The following APPBP2 variants were observed in gnomAD, a reference collection of about 807,000 sequenced individuals.
APPBP2 encodes the protein amyloid beta precursor protein binding protein 2.
APPBP2 carries 15 observed loss-of-function variants against 76.0 expected under a neutral mutation model. That is an observed-to-expected ratio of 0.20 (90% CI 0.13 to 0.30). APPBP2 has a LOEUF of 0.30. Ranked by LOEUF, APPBP2 falls within the 10% of genes least tolerant of loss-of-function variation. APPBP2 has a pLI of 1.00. For synonymous variants in APPBP2, 222 were observed against 242.2 expected, an observed-to-expected ratio of 0.92 and a Z score of 0.77; for missense variants, 401 against 687.2, an observed-to-expected ratio of 0.58 and a Z score of 4.66.
chr17:60,447,590 C>T lies in APPBP2; in HGVS notation c.1749G>A (p.Pro583=), dbSNP rs749877039. 11 of 1,611,050 alleles carry T rather than the reference C, an allele frequency of 6.8e-6. No individual in the cohort carries two copies. Among genetic ancestry groups the T allele is most frequent in the East Asian group, 6.7e-5 (3 of 44,842 alleles). The part of the protein sequence containing the change: ...SFLISQNVEG[P]SC ...TAACTGAGGTCCTCCCTCAGCAGCT[C>T]GGTCCCTCGACATTCTGAGAAATCA... The change falls in exon 13 of 13, where the codon CCG becomes CCA. Residue 583 remains proline, a synonymous_variant. Coordinates refer to ENST00000083182, the MANE Select transcript of APPBP2 (RefSeq NM_006380.5).
chr17:60,488,029 CTGCAGAACAGCAAATAT>C (rs542064223), intron 3 of APPBP2, among the ~76,000 whole-genome samples: 67 of 152,384 alleles, frequency 4.4e-4, no homozygotes, highest in African/African-American at 1.4e-3. Context: ...CCAGCGAAAG[CTGCAGAACAGCAAATAT>C]TGCAGAACAG....
intron 1 of APPBP2, among the ~76,000 whole-genome samples, chr17:60,502,034 A>G (rs8081362): frequency 0.082 from 12,508 of 152,268 alleles, 1,700 homozygotes; most frequent in African/African-American, 0.28. Context: ...ACCTTCAGCA[A>G]GAAAGATTTG....
intron 1 of APPBP2, among the ~76,000 whole-genome samples, chr17:60,511,335 C>T (rs1382391247): frequency 6.6e-6 from 1 of 151,910 alleles, no homozygotes; most frequent in Middle Eastern, 3.2e-3. Context: ...GCCTGTAATC[C>T]CAGCACTCTG....
intron 4 of APPBP2, among the ~76,000 whole-genome samples, chr17:60,467,948 G>A (rs1961857352): frequency 6.6e-6 from 1 of 152,214 alleles, no homozygotes; most frequent in Admixed American, 6.5e-5. Context: ...AGAAGGGAGA[G>A]ATAAGCAAGA....
At chr17:60,472,991 G>C (rs1445302895) in intron 4 of APPBP2, among the ~76,000 whole-genome samples, 1 of 151,778 alleles carries the variant, frequency 6.6e-6, no homozygotes, top group African/African-American at 2.4e-5. Flanking sequence ...TATTGTTTTG[G>C]GGTGTTTCCT....
chr17:60,489,776 C>T (rs1436936993), intron 3 of APPBP2, among the ~76,000 whole-genome samples: 1 of 152,160 alleles, frequency 6.6e-6, no homozygotes, highest in Non-Finnish European at 1.5e-5. Context: ...TGGCTCACGC[C>T]TATAATCCCA....
chr17:60,447,914 T>C, intron 12 of APPBP2, 80 bp from the exon 13 acceptor site: 4 of 1,333,128 alleles, frequency 3.0e-6, no homozygotes, highest in Non-Finnish European at 4.1e-6. Flanking sequence ...TGAACACAAG[T>C]TCAATTCTTT....
At chr17:60,463,488 AT>A (rs2090490336) in intron 6 of APPBP2, among the ~76,000 whole-genome samples, 1 of 152,220 alleles carries the variant, frequency 6.6e-6, no homozygotes, top group Admixed American at 6.5e-5. Flanking sequence ...TTAAAATAAA[AT>A]AAAAATGTAA....
chr17:60,521,986 T>C (rs543660346), intron 1 of APPBP2, among the ~76,000 whole-genome samples: 22 of 152,302 alleles, frequency 1.4e-4, no homozygotes, highest in African/African-American at 5.1e-4. Context: ...AACAATAGGC[T>C]ATCCCACATA....
chr17:60,493,514 T>C lies in APPBP2; in HGVS notation c.379+952A>G, dbSNP rs1427934575. 2.0e-5 allele frequency among the ~76,000 whole-genome samples: 3 copies of C among 152,172 alleles called. No homozygotes were observed. The East Asian group carries it at 5.8e-4, about 29-fold the overall frequency. Reference sequence around the variant, plus strand: ...TATCATTTATTTTTAATTTTTTTGTTTTAGAGAGGAGGTTTTGCTATGTTG... The same window carrying C: ...TATCATTTATTTTTAATTTTTTTGTCTTAGAGAGGAGGTTTTGCTATGTTG... On this transcript the variant is annotated intron_variant, in intron 3 of 12. Transcript: ENST00000083182.
chr17:60,509,035 C>T (rs2090890803), intron 1 of APPBP2, among the ~76,000 whole-genome samples: 1 of 152,140 alleles, frequency 6.6e-6, no homozygotes, highest in African/African-American at 2.4e-5. Context: ...CAAGAAAATG[C>T]TAACATGTGG....
At chr17:60,513,363 G>A (rs965835313) in intron 1 of APPBP2, 1 of 646,750 alleles carries the variant, frequency 1.5e-6, no homozygotes, top group Non-Finnish European at 2.9e-6. Flanking sequence ...AACAGCTTAT[G>A]TGGTCTATGA....
Position 60,526,156 on chromosome 17 carries a change from C to G in APPBP2, c.-225G>C, listed in dbSNP as rs2091053804. 2 of 548,432 alleles carry G rather than the reference C, an allele frequency of 3.6e-6. No individual in the cohort carries two copies. The highest frequency in any genetic ancestry group is 2.0e-5 in the South Asian group (1 of 49,468). 34.0% of individuals were successfully genotyped at this position (548,432 alleles called of 1,614,324 possible). On this transcript the variant is annotated 5_prime_UTR_variant, in exon 1 of 13. Transcript: ENST00000083182. ...AAGTGGGACAGAAAACAGCGGCCAGCCAGGCCAAAAGCGTCACAATCCCGG... is the reference window on the plus strand; with the variant it reads ...AAGTGGGACAGAAAACAGCGGCCAGGCAGGCCAAAAGCGTCACAATCCCGG...
intron 1 of APPBP2, among the ~76,000 whole-genome samples, chr17:60,501,790 T>A (rs2090825572): frequency 6.6e-6 from 1 of 152,192 alleles, no homozygotes; most frequent in African/African-American, 2.4e-5. Flanking sequence ...TGGGCCAGTT[T>A]ACTTGGTGCA....
At chr17:60,480,627 GAAT>G (rs758923074) in intron 3 of APPBP2, among the ~76,000 whole-genome samples, 10 of 152,074 alleles carry the variant, frequency 6.6e-5, no homozygotes, top group Non-Finnish European at 1.0e-4. Context: ...AAGTTGAGCA[GAAT>G]AATGAGATTA....
intron 1 of APPBP2, among the ~76,000 whole-genome samples, chr17:60,513,789 G>A (rs895114664): frequency 3.3e-5 from 5 of 151,574 alleles, no homozygotes; most frequent in African/African-American, 1.2e-4. Flanking sequence ...CTTGAACCTG[G>A]GAAGCAGAGG....
At position 60,499,186 on chromosome 17, in the gene APPBP2, C is replaced by G. The variant is rs141179805; in HGVS notation, c.227+1213G>C. Among the ~76,000 whole-genome samples, 60 of 147,882 alleles carry G rather than the reference C, an allele frequency of 4.1e-4. No homozygotes were observed. The East Asian group carries it at 0.011, about 27-fold the overall frequency. ...TCTCTACTAAAAATAAAAAAATTAGCTGGGTGTGATAGCATGCGCCTATAG... is the reference window on the plus strand; with the variant it reads ...TCTCTACTAAAAATAAAAAAATTAGGTGGGTGTGATAGCATGCGCCTATAG... On this transcript the variant is annotated intron_variant, in intron 2 of 12. Coordinates refer to ENST00000083182, the MANE Select transcript of APPBP2 (RefSeq NM_006380.5).
At chr17:60,515,628 T>C (rs755470717) in intron 1 of APPBP2, among the ~76,000 whole-genome samples, 8 of 152,340 alleles carry the variant, frequency 5.3e-5, no homozygotes, top group Non-Finnish European at 1.0e-4. Flanking sequence ...CAACTAAATT[T>C]TGCCTGTTTT....
At chr17:60,498,379 G>A (rs1463873541) in intron 2 of APPBP2, among the ~76,000 whole-genome samples, 1 of 151,992 alleles carries the variant, frequency 6.6e-6, no homozygotes, top group Non-Finnish European at 1.5e-5. Context: ...CTATGATGCT[G>A]GCAAAGACTT....
Sources: gnomAD v4.1 joint callset for allele counts (sites outside exome capture counted in the v4.1 genomes callset) on GRCh38, gnomAD v4.1.1 for gene constraint, MANE v1.5 for transcripts, NCBI Gene and HGNC (gene_info 2026-07-23, HGNC 2026-07-21) for gene names.